TMEM30A: variants seen among roughly 807,000 people sequenced by gnomAD.
TMEM30A encodes the protein cell division cycle 50 P4-ATPase accessory subunit A.
TMEM30A carries 24 observed loss-of-function variants against 38.2 expected under a neutral mutation model. The observed-to-expected ratio is 0.63, with a 90% CI of 0.46 to 0.88. TMEM30A has a LOEUF of 0.88. TMEM30A is among the 40% of genes least tolerant of loss of function. The probability of loss-of-function intolerance (pLI) is 0.00; values close to 1 mark genes in which losing one functional copy is unlikely to be tolerated. For synonymous variants in TMEM30A, 145 were observed against 161.6 expected, an observed-to-expected ratio of 0.90 and a Z score of 0.78; for missense variants, 370 against 458.6, an observed-to-expected ratio of 0.81 and a Z score of 1.77.
At chr6:75,273,068 C>G (rs1182455430) in intron 1 of TMEM30A, among the ~76,000 whole-genome samples, 4 of 152,150 alleles carry the variant, frequency 2.6e-5, no homozygotes, top group Non-Finnish European at 5.9e-5. Flanking sequence ...TTTCAAAACT[C>G]CCTTACTTCC....
At chr6:75,281,458 TTTAGA>T (rs1324766158) in intron 1 of TMEM30A, among the ~76,000 whole-genome samples, 1 of 152,178 alleles carries the variant, frequency 6.6e-6, no homozygotes. Context: ...CCTCATTTTA[TTTAGA>T]TTATTGAAAA....
intron 1 of TMEM30A, among the ~76,000 whole-genome samples, chr6:75,280,172 CAG>C (rs1772333923): frequency 6.6e-6 from 1 of 152,100 alleles, no homozygotes; most frequent in Non-Finnish European, 1.5e-5. Context: ...TGTACAAAGA[CAG>C]AACCTAAGCA....
chr6:75,260,143 C>T (rs993743636), intron 4 of TMEM30A, among the ~76,000 whole-genome samples: 3 of 152,220 alleles, frequency 2.0e-5, no homozygotes, highest in Non-Finnish European at 4.4e-5. Context: ...CAGTGGCTCA[C>T]GCCTGTAATC....
At position 75,254,986 on chromosome 6, in the gene TMEM30A, G is replaced by C. The variant is rs1214212188; in HGVS notation, c.*1116C>G. On this transcript the variant is annotated 3_prime_UTR_variant, in exon 7 of 7. Coordinates refer to ENST00000230461, the MANE Select transcript of TMEM30A (RefSeq NM_018247.4). ...CCATAATTTAATTAGGAAATTTATA[G>C]AACATCTTTTTAAAGTATGTCTTAG... The C allele has an allele frequency of 6.6e-6, 1 of 152,452 alleles. No homozygotes were observed. The highest frequency in any genetic ancestry group is 1.5e-5 in the Non-Finnish European group (1 of 67,952). 9.4% of individuals were successfully genotyped at this position (152,452 alleles called of 1,614,324 possible).
At chr6:75,264,451 C>T (rs1189410217) in intron 3 of TMEM30A, among the ~76,000 whole-genome samples, 4 of 151,872 alleles carry the variant, frequency 2.6e-5, no homozygotes, top group Non-Finnish European at 4.4e-5. Flanking sequence ...GTCTGGCCAG[C>T]GTGGCGAAAC....
Sources: allele counts gnomAD v4.1 joint callset (sites outside exome capture counted in the v4.1 genomes callset), GRCh38; gene constraint gnomAD v4.1.1; transcripts MANE v1.5; gene names NCBI Gene and HGNC (gene_info 2026-07-23, HGNC 2026-07-21).